Variants in PRR16 observed in about 807,000 individuals in gnomAD.
The protein encoded by PRR16 is proline rich 16, also known as protein Largen.
PRR16 carries 6 observed loss-of-function variants against 18.2 expected under a neutral mutation model. The observed-to-expected ratio is 0.33, with a 90% CI of 0.18 to 0.65. PRR16 has a LOEUF of 0.65. PRR16 is among the 30% of genes least tolerant of loss of function. The pLI is 0.74. For missense variants in PRR16, 412 were observed against 376.6 expected, an observed-to-expected ratio of 1.09 and a Z score of -0.78; for synonymous variants, 151 against 147.8, an observed-to-expected ratio of 1.02 and a Z score of -0.16.
chr5:120,687,398 T>C (rs1181810281), downstream of PRR16: 1 of 152,214 alleles, frequency 6.6e-6, no homozygotes, highest in Non-Finnish European at 1.5e-5. Context: ...TGACAGAGTT[T>C]GGAGAAGTTA....
chr5:120,465,052 C>G (rs1749030613), intron 1 of PRR16, among the ~76,000 whole-genome samples: 1 of 152,138 alleles, frequency 6.6e-6, no homozygotes, highest in Non-Finnish European at 1.5e-5. Flanking sequence ...AAGTCCGCTG[C>G]CTATCTGTCA....
At chr5:120,727,034 G>A in the PRR16 span, among the ~76,000 whole-genome samples, 1 of 151,998 alleles carries the variant, frequency 6.6e-6, no homozygotes, top group Non-Finnish European at 1.5e-5. Flanking sequence ...CATCACTGAA[G>A]CTTTCTTTCA....
chr5:120,567,560 G>T (rs1297222622), intron 1 of PRR16, among the ~76,000 whole-genome samples: 2 of 152,154 alleles, frequency 1.3e-5, no homozygotes, highest in East Asian at 3.9e-4. Flanking sequence ...ACTGAATTGT[G>T]ATCTTCAGTG....
chr5:120,515,550 T>A (rs1750961736), intron 1 of PRR16, among the ~76,000 whole-genome samples: 1 of 152,212 alleles, frequency 6.6e-6, no homozygotes, highest in Admixed American at 6.5e-5. Context: ...CACCTTTCCT[T>A]AGAAACCACT....
the PRR16 span, among the ~76,000 whole-genome samples, chr5:120,703,969 C>A: frequency 6.6e-6 from 1 of 152,186 alleles, no homozygotes; most frequent in South Asian, 2.1e-4. Flanking sequence ...ATTTTGGGAG[C>A]TTTTCTATAA....
At chr5:120,780,351 T>C in the PRR16 span, among the ~76,000 whole-genome samples, 2 of 152,306 alleles carry the variant, frequency 1.3e-5, no homozygotes, top group East Asian at 1.9e-4. Context: ...AGGAGTACTG[T>C]GTAAGTGATT....
At chr5:120,770,519 GATTT>G in the PRR16 span, among the ~76,000 whole-genome samples, 2 of 151,916 alleles carry the variant, frequency 1.3e-5, no homozygotes, top group African/African-American at 2.4e-5. Context: ...TCTTGGCAAT[GATTT>G]ATTACTAAGA....
chr5:120,576,782 A>G (rs1208452013), intron 1 of PRR16, among the ~76,000 whole-genome samples: 1 of 152,054 alleles, frequency 6.6e-6, no homozygotes. Flanking sequence ...CTCCTGGCTT[A>G]CAGGCCTTAA....
chr5:120,749,267 G>A, the PRR16 span, among the ~76,000 whole-genome samples: 3 of 151,996 alleles, frequency 2.0e-5, no homozygotes, highest in Non-Finnish European at 4.4e-5. Context: ...CATAAAAAAT[G>A]TGCAGGATTA....
the PRR16 span, among the ~76,000 whole-genome samples, chr5:120,758,529 A>G: frequency 1.6e-4 from 25 of 152,090 alleles, no homozygotes; most frequent in Non-Finnish European, 3.7e-4. Flanking sequence ...ATCCCCGCAT[A>G]TTGAAGGGGG....
At position 120,590,606 on chromosome 5, in the gene PRR16, T is replaced by A. The variant is rs192955952; in HGVS notation, c.160-95348T>A. 2.5e-4 allele frequency among the ~76,000 whole-genome samples: 38 copies of A among 152,124 alleles called. 1 individual carries two copies. The highest frequency in any genetic ancestry group is 8.0e-4 in the African/African-American group (33 of 41,436). ...ATTGTTAGAAGCTAAGATTTACACT[T>A]GAATGAAGTTATTGGGAGACTTAGA... On this transcript the variant is annotated intron_variant, in intron 1 of 1. Transcript: ENST00000407149.
the PRR16 span, among the ~76,000 whole-genome samples, chr5:120,759,570 A>G: frequency 6.6e-6 from 1 of 152,114 alleles, no homozygotes; most frequent in Non-Finnish European, 1.5e-5. Context: ...TGTCTTTAGA[A>G]AGAGTAATTA....
At chr5:120,487,704 G>C (rs1580633312) in intron 1 of PRR16, among the ~76,000 whole-genome samples, 1 of 152,148 alleles carries the variant, frequency 6.6e-6, no homozygotes, top group Admixed American at 6.5e-5. Context: ...AGTGGTGAGA[G>C]AGGGCATCCC....
At chr5:120,729,930 G>C in the PRR16 span, among the ~76,000 whole-genome samples, 832 of 152,148 alleles carry the variant, frequency 5.5e-3, 11 homozygotes, top group East Asian at 0.052. Flanking sequence ...TTTGCTCTGT[G>C]GGTCCAGATA....
rs1327014789 is a variant in PRR16, at chr5:120,686,071, GAGA to G, written c.281_283del (p.Lys94del). ...AAGTGGCACAACAGCCTCCAGCCTA[GAGA>G]AGATCAAAGTGCAGGCTAATGCACC... On this transcript the variant is annotated inframe_deletion, in exon 2 of 2. Coordinates refer to ENST00000407149, the MANE Select transcript of PRR16 (RefSeq NM_001300783.2). 3 of 1,614,096 alleles carry G rather than the reference GAGA, an allele frequency of 1.9e-6. No homozygotes were observed. Among genetic ancestry groups the G allele is most frequent in the South Asian group, 2.2e-5 (2 of 91,076 alleles).
intron 1 of PRR16, among the ~76,000 whole-genome samples, chr5:120,494,435 A>G (rs1378865223): frequency 1.3e-5 from 2 of 151,704 alleles, no homozygotes; most frequent in Non-Finnish European, 2.9e-5. Context: ...CTTGTCTGTT[A>G]TGTCTTCTGT....
intron 1 of PRR16, among the ~76,000 whole-genome samples, chr5:120,663,530 C>A (rs1413484120): frequency 1.3e-5 from 2 of 152,138 alleles, no homozygotes; most frequent in African/African-American, 4.8e-5. Context: ...TTTGTTCTTA[C>A]TGCCCAGAAA....
At chr5:120,577,629 G>C (rs997134231) in intron 1 of PRR16, among the ~76,000 whole-genome samples, 1 of 152,076 alleles carries the variant, frequency 6.6e-6, no homozygotes, top group East Asian at 1.9e-4. Flanking sequence ...TTTACTTTGG[G>C]TAGGTAACGT....
At chr5:120,514,415 T>C (rs1424369619) in intron 1 of PRR16, among the ~76,000 whole-genome samples, 1 of 152,204 alleles carries the variant, frequency 6.6e-6, no homozygotes, top group Non-Finnish European at 1.5e-5. Context: ...ATTTTTTACA[T>C]AGCCTGGCTG....
Sources: gnomAD v4.1 joint callset for allele counts (sites outside exome capture counted in the v4.1 genomes callset) on GRCh38, gnomAD v4.1.1 for gene constraint, MANE v1.5 for transcripts, NCBI Gene and HGNC (gene_info 2026-07-23, HGNC 2026-07-21) for gene names.